The following AFDN variants were observed in gnomAD, a reference collection of about 807,000 sequenced individuals.
AFDN encodes afadin, adherens junction formation factor.
A neutral mutation model predicts 216.6 loss-of-function variants in AFDN; 68 were observed. That is an observed-to-expected ratio of 0.31 (90% CI 0.26 to 0.38). The LOEUF (loss-of-function observed/expected upper bound fraction) is 0.38. Among genes scored for constraint, AFDN ranks in the 10% least tolerant of loss-of-function variants. The pLI is 1.00. For synonymous variants in AFDN, 868 were observed against 853.7 expected (o/e 1.02, Z -0.29); for missense variants, 2,136 against 2,342.0 (o/e 0.91, Z 1.82).
intron 1 of AFDN, among the ~76,000 whole-genome samples, chr6:167,839,041 C>T (rs545394351): frequency 6.6e-6 from 1 of 152,192 alleles, no homozygotes; most frequent in Admixed American, 6.5e-5. Context: ...TATAATTTAA[C>T]TTCAAAAACT....
At chr6:167,959,021 C>T (rs773395528) in intron 30 of AFDN, among the ~76,000 whole-genome samples, 5 of 152,230 alleles carry the variant, frequency 3.3e-5, no homozygotes, top group Non-Finnish European at 7.3e-5. Context: ...TTAAAACCAA[C>T]ACGTATATAT....
At chr6:167,958,206 CAG>C (rs1355774454) in intron 30 of AFDN, among the ~76,000 whole-genome samples, 3 of 152,120 alleles carry the variant, frequency 2.0e-5, no homozygotes, top group South Asian at 2.1e-4. Context: ...GTATATGAAA[CAG>C]AAATCAATTC....
Position 167,827,197 on chromosome 6 carries a change from C to T in AFDN, c.65C>T (p.Ala22Val). The T allele has an allele frequency of 1.5e-6, 2 of 1,297,354 alleles. No individual in the cohort carries two copies. Among genetic ancestry groups the T allele is most frequent in the Non-Finnish European group, 1.0e-6 (1 of 992,394 alleles). The allele number at this position is 1,297,354 out of a possible 1,614,324, so 80.4% of individuals were successfully genotyped here. A position where few individuals can be genotyped will look rare whatever the true frequency, so the allele number is the denominator to read the frequency against. ...GCCGACATCATCCACCACTGGAACG[C>T]CAACCGGCTGGACCTGTTCGAGATC... ...KLADIIHHWNANRLDLFEISQ... is the reference protein window; with the variant it reads ...KLADIIHHWNVNRLDLFEISQ... Residue 22 changes from alanine (A) to valine (V), a missense_variant, in exon 1 of 34, where the codon GCC becomes GTC. Physicochemically the swap from Ala to Val is moderately conservative, Grantham distance 64. This residue lies in a region of AFDN where 81 missense variants were observed against 51.2 expected (regional missense o/e 1.58). Transcript: ENST00000683244.
At chr6:167,926,919 A>G (rs1474675080) in intron 23 of AFDN, among the ~76,000 whole-genome samples, 1 of 152,204 alleles carries the variant, frequency 6.6e-6, no homozygotes, top group Non-Finnish European at 1.5e-5. Flanking sequence ...TTGTTGAAAA[A>G]TAGCAAATAA....
intron 11 of AFDN, among the ~76,000 whole-genome samples, chr6:167,898,937 T>C (rs1459242143): frequency 1.3e-5 from 2 of 152,208 alleles, no homozygotes; most frequent in African/African-American, 2.4e-5. Context: ...AGAAAGCCTT[T>C]CTTAATGACT....
In AFDN at chr6:167,951,838, GC is replaced by G; in HGVS notation, c.4485del (p.Thr1496ArgfsTer48). 1 of 1,614,110 alleles carries G rather than the reference GC, an allele frequency of 6.2e-7. No homozygotes were observed. Among genetic ancestry groups the G allele is most frequent in the Non-Finnish European group, 8.5e-7 (1 of 1,180,024 alleles). The stretch of plus-strand genomic sequence containing the variant: ...GAGCTGCAGCCTCAGCAGCAGCCCC[GC>G]ACGATCGAGCGCAGAGACTTGCAGT... ...IRELQPQQQPRTIERRDLQYI... is the reference protein window; with the variant it reads ...IRELQPQQQPXTIERRDLQYI... On this transcript the variant is annotated frameshift_variant, in exon 30 of 34. Coordinates refer to ENST00000683244, the MANE Select transcript of AFDN (RefSeq NM_001386888.1). LOFTEE classifies it high-confidence loss of function. The surrounding 1 kb of genome is among the most constrained non-coding windows in gnomAD (Gnocchi z 7.1).
At chr6:167,965,289 A>C (rs9295031) in intron 31 of AFDN, among the ~76,000 whole-genome samples, 46,300 of 151,970 alleles carry the variant, frequency 0.3, 7,715 homozygotes, top group East Asian at 0.6. Flanking sequence ...AAAGAGTGCA[A>C]GTTTGCCTTT....
chr6:167,923,620 CT>C (rs35743665), intron 22 of AFDN, among the ~76,000 whole-genome samples: 132 of 111,970 alleles, frequency 1.2e-3, no homozygotes, highest in Middle Eastern at 5.1e-3. Flanking sequence ...TACCCTAATA[CT>C]TTTTTTTTTT....
rs965540925 is a variant in AFDN at position 167,931,189 on chromosome 6, T to C, written c.3099+6098T>C. ...TTTTGGATTGGCTTATGAGTTGCAG[T>C]AGTGGATGAAAGAGGGAAGTATGAT... is the stretch of plus-strand genomic sequence containing the variant. On this transcript the variant is annotated intron_variant, in intron 23 of 33. Transcript: ENST00000683244. 3.9e-5 allele frequency among the ~76,000 whole-genome samples: 6 copies of C among 152,164 alleles called. No individual in the cohort carries two copies. The South Asian group carries it at 6.2e-4, about 16-fold the overall frequency.
chr6:167,953,204 T>G (rs200759395), intron 30 of AFDN, among the ~76,000 whole-genome samples: 1 of 152,220 alleles, frequency 6.6e-6, no homozygotes, highest in East Asian at 1.9e-4. Flanking sequence ...GGATTCTGTT[T>G]CTAATTTCAA....
At chr6:167,854,723 T>C (rs145150012) in intron 1 of AFDN, among the ~76,000 whole-genome samples, 1 of 151,490 alleles carries the variant, frequency 6.6e-6, no homozygotes, top group Admixed American at 6.6e-5. Flanking sequence ...GTCTAGACTT[T>C]TTCTTTCATT....
chr6:167,833,485 C>A (rs1460630740), intron 1 of AFDN, among the ~76,000 whole-genome samples: 1 of 152,142 alleles, frequency 6.6e-6, no homozygotes, highest in Non-Finnish European at 1.5e-5. Context: ...CATACATGTT[C>A]TATTAAAGGA....
In AFDN at chr6:167,827,095, C is replaced by T. The variant is rs946612339; in HGVS notation, c.-38C>T. ...CTGTCGTCCTCGGCCCGTCCTCCGG[C>T]CCCGGCCCCGCGCGGCTGAGGAGGC... On this transcript the variant is annotated 5_prime_UTR_variant, in exon 1 of 34. Coordinates refer to ENST00000683244, the MANE Select transcript of AFDN (RefSeq NM_001386888.1). 57 of 1,150,964 alleles carry T rather than the reference C, an allele frequency of 5.0e-5. No homozygotes were observed. The highest frequency in any genetic ancestry group is 6.2e-5 in the Non-Finnish European group (56 of 898,400). 71.3% of individuals were successfully genotyped at this position (1,150,964 alleles called of 1,614,324 possible). A position where few individuals can be genotyped will look rare whatever the true frequency, so the allele number is the denominator to read the frequency against.
Position 167,965,797 on chromosome 6 carries a change from A to G in AFDN, c.5009A>G (p.Glu1670Gly), listed in dbSNP as rs748358021. 11 of 1,563,032 alleles carry G rather than the reference A, an allele frequency of 7.0e-6. No homozygotes were observed. The highest frequency in any genetic ancestry group is 7.8e-6 in the Non-Finnish European group (9 of 1,155,890). Residue 1670 changes from glutamate (E) to glycine (G), a missense_variant, in exon 32 of 34, where the codon GAG becomes GGG. Around this residue, in one of 8 missense-constraint regions of AFDN, gnomAD observed 981 missense variants for 966.0 expected, o/e 1.02. Transcript: ENST00000683244. ...GGGTATTACAGCCGCCTGGAAGCCG[A>G]GAGGCGCAGACAGCACGACGAGGCG... ...EEGYYSRLEA[E>G]RRRQHDEAAR...
At position 167,874,610 on chromosome 6, in the gene AFDN, ATT is replaced by A. The variant is rs34069250; in HGVS notation, c.579-704_579-703del. 1.3e-3 allele frequency among the ~76,000 whole-genome samples: 151 copies of A among 113,238 alleles called. 1 individual carries two copies. Among genetic ancestry groups the A allele is most frequent in the East Asian group, 5.1e-3 (18 of 3,530 alleles). The allele number at this position is 113,238 out of a possible 152,430, so 74.3% of individuals were successfully genotyped here. A position where few individuals can be genotyped will look rare whatever the true frequency, so the allele number is the denominator to read the frequency against. Reference sequence around the variant, plus strand: ...TTTGGGCTTTTCAAAATTTGCTATAATTTTTTTTTTTTTTTTTTTTTTGAGAT... The same window carrying A: ...TTTGGGCTTTTCAAAATTTGCTATAATTTTTTTTTTTTTTTTTTTTGAGAT... On this transcript the variant is annotated intron_variant, in intron 4 of 33. Coordinates refer to ENST00000683244, the MANE Select transcript of AFDN (RefSeq NM_001386888.1).
At chr6:167,947,987 T>A (rs1489680785) in intron 28 of AFDN, 43 bp downstream of exon 28, 6 of 1,423,352 alleles carry the variant, frequency 4.2e-6, no homozygotes, top group Non-Finnish European at 5.0e-6. Flanking sequence ...TGCATTTCCA[T>A]CCTTAGGGTT....
Position 167,883,301 on chromosome 6 carries a change from A to G in AFDN, c.897+2784A>G, listed in dbSNP as rs372980366. Among the ~76,000 whole-genome samples, 11 of 152,330 alleles carry G rather than the reference A, an allele frequency of 7.2e-5. No individual in the cohort carries two copies. In the East Asian group the frequency reaches 1.9e-3, roughly 27 times the overall value. On this transcript the variant is annotated intron_variant, in intron 6 of 33. Transcript: ENST00000683244. ...CACATTGTTTAGAAATATGGTGGTA[A>G]ATACTAGTTGTGACATCTAAAATAA...
intron 30 of AFDN, chr6:167,954,627 G>A: frequency 1.7e-6 from 1 of 584,038 alleles, no homozygotes; most frequent in Non-Finnish European, 2.8e-6. Flanking sequence ...TGGAGTCCCT[G>A]ACACTTTAGA....
At chr6:167,892,435 T>C (rs2128348346) in intron 8 of AFDN, among the ~76,000 whole-genome samples, 1 of 152,346 alleles carries the variant, frequency 6.6e-6, no homozygotes, top group South Asian at 2.1e-4. Context: ...TTTTTGGGTA[T>C]TGGGTCTGCC....
Sources: allele counts gnomAD v4.1 joint callset (sites outside exome capture counted in the v4.1 genomes callset), GRCh38; gene constraint gnomAD v4.1.1; regional missense constraint gnomAD v4.1.1; non-coding constraint Gnocchi (gnomAD v3.1); transcripts MANE v1.5; gene names NCBI Gene and HGNC (gene_info 2026-07-23, HGNC 2026-07-21).